CFAP99: variants seen among roughly 807,000 people sequenced by gnomAD.
CFAP99 encodes cilia- and flagella-associated protein 99.
A neutral mutation model predicts 82.7 loss-of-function variants in CFAP99; 84 were observed. The ratio of observed to expected loss-of-function variants is 1.02; its 90% CI spans 0.85 to 1.22. The LOEUF (loss-of-function observed/expected upper bound fraction) is 1.22, where lower values mean the gene tolerates loss of function less well. Among genes scored for constraint, CFAP99 ranks in the 50% most tolerant of loss-of-function variants. The pLI is 0.00. For missense variants in CFAP99, 1,059 were observed against 983.5 expected (o/e 1.08, Z -1.03); for synonymous variants, 456 against 429.5 (o/e 1.06, Z -0.76).
rs1734297710 is a variant in CFAP99, at chr4:2,451,369, C to A, written c.956+17C>A. On this transcript the variant is annotated intron_variant, in intron 10 of 14. Coordinates refer to ENST00000635017, the Ensembl canonical transcript of CFAP99. ...GCTGCAGAGGTGAAGGGCGGCAGGC[C>A]CCCCCACCTGCCTTCCACGGCATCA... 7.8e-6 allele frequency: 12 copies of A among 1,533,478 alleles called. No individual in the cohort carries two copies. Among genetic ancestry groups the A allele is most frequent in the Middle Eastern group, 1.9e-4 (1 of 5,192 alleles). 95.0% of individuals were successfully genotyped at this position (1,533,478 alleles called of 1,614,324 possible). A position where few individuals can be genotyped will look rare whatever the true frequency, so the allele number is the denominator to read the frequency against.
At chr4:2,459,336 T>C in intron 13 of CFAP99, 78 bp downstream of exon 13, 1 of 1,438,954 alleles carries the variant, frequency 6.9e-7, no homozygotes, top group Non-Finnish European at 9.2e-7. Flanking sequence ...GTTTCCAGGG[T>C]TCCCACCAGA....
At chr4:2,440,489 C>A (rs1328966816) in intron 4 of CFAP99, among the ~76,000 whole-genome samples, 1 of 150,556 alleles carries the variant, frequency 6.6e-6, no homozygotes, top group African/African-American at 2.4e-5. Flanking sequence ...TGGTGCCTCA[C>A]GCCTGTAATC....
At chr4:2,434,346 C>T (rs576017216) in intron 2 of CFAP99, among the ~76,000 whole-genome samples, 2 of 152,252 alleles carry the variant, frequency 1.3e-5, no homozygotes, top group South Asian at 4.1e-4. Context: ...ACAAACGTCA[C>T]CATAGGGGAA....
At position 2,462,837 on chromosome 4, in the gene CFAP99, G is replaced by A. The variant is rs947701834; in HGVS notation, c.2056G>A (p.Glu686Lys). ...GCAGCTAGAGGCGCAGCACTGGCTG[G>A]AGCTGGAGCGGAGCCGCGAGCGCAG... Residue 686 changes from glutamate to lysine, a missense_variant, in exon 15 of 15, where the codon GAG (glutamate) becomes AAG (lysine). Glu to Lys is a moderately conservative substitution (Grantham distance 56, BLOSUM62 1). Transcript: ENST00000635017. This position sits in a 1 kb window ranked among gnomAD's most constrained non-coding sequence, Gnocchi z 4.1. 130 of 1,391,132 alleles carry A rather than the reference G, an allele frequency of 9.3e-5. No individual in the cohort carries two copies. The highest frequency in any genetic ancestry group is 3.3e-4 in the African/African-American group (22 of 66,346). 86.2% of individuals were successfully genotyped at this position (1,391,132 alleles called of 1,614,324 possible). A position where few individuals can be genotyped will look rare whatever the true frequency, so the allele number is the denominator to read the frequency against.
chr4:2,420,578 G>T (rs1733561276), intron 1 of CFAP99, among the ~76,000 whole-genome samples: 6 of 152,122 alleles, frequency 3.9e-5, no homozygotes, highest in Non-Finnish European at 2.9e-5. Context: ...CCCTTCCTGT[G>T]TTTTATAGTT....
intron 12 of CFAP99, 80 bp from the exon 13 acceptor site, chr4:2,459,027 A>T (rs1456526876): frequency 6.9e-7 from 1 of 1,449,258 alleles, no homozygotes. Context: ...CTGGCTGGGG[A>T]ACCCTGGGGG....
Position 2,449,207 on chromosome 4 carries a change from G to C in CFAP99, c.643-463G>C, listed in dbSNP as rs374861704. 7.2e-5 allele frequency among the ~76,000 whole-genome samples: 11 copies of C among 152,118 alleles called. No individual in the cohort carries two copies. The East Asian group carries it at 1.2e-3, about 16-fold the overall frequency. ...CTCCTGTGACTGGACTCGGGGATAT[G>C]GTGCAGCCGCCCTGGCCTCTGCAGT... On this transcript the variant is annotated intron_variant, in intron 6 of 14. Transcript: ENST00000635017.
At chr4:2,458,578 T>G in intron 11 of CFAP99, 145 bp from the exon 12 acceptor site, 1 of 993,784 alleles carries the variant, frequency 1.0e-6, no homozygotes, top group Non-Finnish European at 1.4e-6. Flanking sequence ...CAGGAGTGAA[T>G]GGGCTTAGAC....
intron 1 of CFAP99, among the ~76,000 whole-genome samples, chr4:2,423,438 G>T (rs1402048314): frequency 6.6e-6 from 1 of 152,148 alleles, no homozygotes; most frequent in African/African-American, 2.4e-5. Context: ...GTGCTCAGTG[G>T]GCCTCCTGGG....
At chr4:2,421,738 A>C (rs1035335966) in intron 1 of CFAP99, among the ~76,000 whole-genome samples, 1 of 152,172 alleles carries the variant, frequency 6.6e-6, no homozygotes, top group African/African-American at 2.4e-5. Context: ...AAAAATCTTT[A>C]AACTTGAGAA....
chr4:2,441,932 G>A (rs1734050628), intron 4 of CFAP99, among the ~76,000 whole-genome samples: 1 of 152,202 alleles, frequency 6.6e-6, no homozygotes, highest in Non-Finnish European at 1.5e-5. Flanking sequence ...CACTCTGCAG[G>A]GAGTGGCCCT....
At position 2,449,764 on chromosome 4, in the gene CFAP99, G is replaced by A. The variant is rs1339671954; in HGVS notation, c.723+14G>A. 49 of 1,535,926 alleles carry A rather than the reference G, an allele frequency of 3.2e-5. No individual in the cohort carries two copies. Among genetic ancestry groups the A allele is most frequent in the Admixed American group, 5.9e-5 (3 of 50,978 alleles). On this transcript the variant is annotated intron_variant, in intron 7 of 14. Transcript: ENST00000635017. Reference sequence around the variant, plus strand: ...CGAAAGGCCGAGGTGAGCTGTGTGCGACCCCTGCCTTCCTAGAGACCCCAT... The same window carrying A: ...CGAAAGGCCGAGGTGAGCTGTGTGCAACCCCTGCCTTCCTAGAGACCCCAT...
chr4:2,419,216 C>G (rs1348433185), intron 1 of CFAP99, 123 bp downstream of exon 1: 1 of 152,092 alleles, frequency 6.6e-6, no homozygotes, highest in Non-Finnish European at 1.5e-5. Flanking sequence ...CTTCCCAGCT[C>G]CCCGATGAAA....
chr4:2,458,817 A>ACC lies in CFAP99; in HGVS notation c.1257_1258insCC (p.Ala420ProfsTer65). ...GAGCAGGTGATAGAGGGGCAGAAGA[A>ACC]CGCCAAGGCGGCCCAGACGAAGCTC... On this transcript the variant is annotated frameshift_variant, in exon 12 of 15. Coordinates refer to ENST00000635017, the Ensembl canonical transcript of CFAP99. LOFTEE classifies it high-confidence loss of function. 1 of 1,535,892 alleles carries ACC rather than the reference A, an allele frequency of 6.5e-7. No individual in the cohort carries two copies. The highest frequency in any genetic ancestry group is 1.2e-5 in the South Asian group (1 of 84,030).
intron 4 of CFAP99, among the ~76,000 whole-genome samples, chr4:2,441,523 C>T (rs1043999676): frequency 6.6e-5 from 10 of 152,186 alleles, no homozygotes; most frequent in Admixed American, 6.5e-4. Context: ...GCTGCAGGGA[C>T]TCCCTAGGAA....
intron 1 of CFAP99, among the ~76,000 whole-genome samples, chr4:2,419,775 A>G (rs1296271159): frequency 1.3e-5 from 2 of 152,006 alleles, no homozygotes; most frequent in South Asian, 2.1e-4. Flanking sequence ...GGTAGGGTCC[A>G]TGTTTATTTT....
chr4:2,455,280 C>A (rs1473424805), intron 11 of CFAP99, among the ~76,000 whole-genome samples: 1 of 152,190 alleles, frequency 6.6e-6, no homozygotes, highest in Non-Finnish European at 1.5e-5. Context: ...TGTCATTTGA[C>A]TTTGTATATG....
chr4:2,426,402 G>C (rs1344748601), intron 1 of CFAP99, 57 bp from the exon 2 acceptor site: 6 of 1,074,868 alleles, frequency 5.6e-6, no homozygotes, highest in Admixed American at 2.0e-5. Flanking sequence ...CTGCTGGGGA[G>C]GGTCCTGCGG....
In CFAP99 at chr4:2,425,784, A is replaced by G. The variant is rs1733669896; in HGVS notation, c.-17-675A>G. On this transcript the variant is annotated intron_variant, in intron 1 of 14. Coordinates refer to ENST00000635017, the Ensembl canonical transcript of CFAP99. ...GTTCCCAGGGTCCCAGCCTCCCCCTAGGCAGCTTCTCCAAGGTCCCCTGGG... is the reference window on the plus strand; with the variant it reads ...GTTCCCAGGGTCCCAGCCTCCCCCTGGGCAGCTTCTCCAAGGTCCCCTGGG... 2.0e-5 allele frequency among the ~76,000 whole-genome samples: 3 copies of G among 152,072 alleles called. No homozygotes were observed. The South Asian group carries it at 6.2e-4, about 32-fold the overall frequency.
Sources: gnomAD v4.1 joint callset for allele counts (sites outside exome capture counted in the v4.1 genomes callset) on GRCh38, gnomAD v4.1.1 for gene constraint, Gnocchi (gnomAD v3.1) non-coding constraint, MANE v1.5 for transcripts, NCBI Gene and HGNC (gene_info 2026-07-23, HGNC 2026-07-21) for gene names.